The following DEF6 variants were observed in gnomAD, a reference collection of about 807,000 sequenced individuals.
The protein encoded by DEF6 is DEF6 guanine nucleotide exchange factor, also known as differentially expressed in FDCP 6 homolog.
DEF6 carries 32 observed loss-of-function variants against 80.5 expected under a neutral mutation model. The observed-to-expected ratio is 0.40, with a 90% CI of 0.30 to 0.53. The LOEUF (loss-of-function observed/expected upper bound fraction) is 0.53. Ranked by LOEUF, DEF6 falls within the 20% of genes least tolerant of loss-of-function variation. DEF6 has a pLI of 0.57. For synonymous variants in DEF6, 300 were observed against 337.9 expected, an observed-to-expected ratio of 0.89 and a Z score of 1.23; for missense variants, 575 against 818.7, an observed-to-expected ratio of 0.70 and a Z score of 3.63.
At chr6:35,315,671 A>G (rs1415208102) in intron 5 of DEF6, among the ~76,000 whole-genome samples, 1 of 151,878 alleles carries the variant, frequency 6.6e-6, no homozygotes, top group Non-Finnish European at 1.5e-5. Flanking sequence ...CTTTGGTTAC[A>G]TCGATTCTTA....
At chr6:35,302,464 C>G (rs963395557) in intron 1 of DEF6, among the ~76,000 whole-genome samples, 6 of 152,128 alleles carry the variant, frequency 3.9e-5, no homozygotes, top group Non-Finnish European at 7.4e-5. Flanking sequence ...ACTACAGAAT[C>G]AGTTCTTGCT....
chr6:35,317,532 T>C (rs1167133703), intron 5 of DEF6: 1 of 170,538 alleles, frequency 5.9e-6, no homozygotes. Context: ...AATGAATGAA[T>C]GAACTCTTAA....
At position 35,320,916 on chromosome 6, in the gene DEF6, C is replaced by T; in HGVS notation, c.1614C>T (p.Thr538=). Residue 538 remains threonine, a synonymous_variant, in exon 10 of 11, where the codon ACC becomes ACT. Coordinates refer to ENST00000316637, the MANE Select transcript of DEF6 (RefSeq NM_022047.4). ...AAQRKLRQAS[T]NVKHWNVQMN... is the part of the protein sequence containing the mutation. ...AGAGAAAACTGCGCCAGGCCAGCAC[C>T]AACGTGAAACACTGGAATGTCCAGA... 6.2e-7 allele frequency: 1 copy of T among 1,611,598 alleles called. No individual in the cohort carries two copies. Among genetic ancestry groups the T allele is most frequent in the Non-Finnish European group, 8.5e-7 (1 of 1,178,626 alleles).
rs772879108 is a variant in DEF6 at position 35,318,205 on chromosome 6, G to C, written c.949G>C (p.Gly317Arg). 6.9e-6 allele frequency: 11 copies of C among 1,585,186 alleles called. No homozygotes were observed. In the Admixed American group the frequency reaches 1.7e-4, roughly 24 times the overall value. ...GATGGCGATCCGGCTGCAGGCCGAG[G>C]GGAAGACGTCCCTACACAAGGACCT... is the stretch of plus-strand genomic sequence containing the variant. ...IQMAIRLQAE[G>R]KTSLHKDLKQ... Residue 317 changes from glycine (G) to arginine (R), a missense_variant, in exon 7 of 11, where the codon GGG becomes CGG. By Grantham distance (125) the Gly-to-Arg change is moderately radical. Transcript: ENST00000316637. The surrounding 1 kb of genome is among the most constrained non-coding windows in gnomAD (Gnocchi z 5.1).
chr6:35,298,176 G>T (rs968003526), intron 1 of DEF6, among the ~76,000 whole-genome samples: 1 of 152,180 alleles, frequency 6.6e-6, no homozygotes, highest in Non-Finnish European at 1.5e-5. Flanking sequence ...GAAACCTTGC[G>T]CAGAACTGGG....
intron 1 of DEF6, among the ~76,000 whole-genome samples, chr6:35,298,546 T>C (rs1472838924): frequency 6.6e-6 from 1 of 152,018 alleles, no homozygotes; most frequent in Non-Finnish European, 1.5e-5. Context: ...ACATATCAGG[T>C]TGGGAAACTT....
chr6:35,314,223 C>G (rs1791499795), intron 5 of DEF6, among the ~76,000 whole-genome samples: 1 of 152,060 alleles, frequency 6.6e-6, no homozygotes, highest in South Asian at 2.1e-4. Context: ...GCCTGGCCAA[C>G]ATGGTGAGAC....
rs764255696 is a variant in DEF6 at position 35,312,591 on chromosome 6, G to A, written c.661-35G>A. 7 of 1,613,938 alleles carry A rather than the reference G, an allele frequency of 4.3e-6. No individual in the cohort carries two copies. The highest frequency in any genetic ancestry group is 2.2e-5 in the South Asian group (2 of 91,078). On this transcript the variant is annotated intron_variant, in intron 4 of 10. Coordinates refer to ENST00000316637, the MANE Select transcript of DEF6 (RefSeq NM_022047.4). This position sits in a 1 kb window ranked among gnomAD's most constrained non-coding sequence, Gnocchi z 6.6. ...CACACAAGGTGCAGGGCGAAGGGGGGCCTGGGAAGCCTCTGACGTAACTCC... is the reference window on the plus strand; with the variant it reads ...CACACAAGGTGCAGGGCGAAGGGGGACCTGGGAAGCCTCTGACGTAACTCC...
At chr6:35,309,996 C>G (rs961538638) in intron 2 of DEF6, among the ~76,000 whole-genome samples, 186 bp downstream of exon 2, 2 of 150,148 alleles carry the variant, frequency 1.3e-5, no homozygotes, top group Admixed American at 6.6e-5. Flanking sequence ...TCCTGTCCCC[C>G]TCAATTCACC....
At chr6:35,302,478 T>C (rs1225172300) in intron 1 of DEF6, among the ~76,000 whole-genome samples, 2 of 152,216 alleles carry the variant, frequency 1.3e-5, no homozygotes, top group African/African-American at 4.8e-5. Flanking sequence ...TCTTGCTGAC[T>C]GTTGCCAACA....
chr6:35,311,909 G>A (rs983730663), intron 3 of DEF6, among the ~76,000 whole-genome samples: 43 of 152,222 alleles, frequency 2.8e-4, no homozygotes, highest in Non-Finnish European at 5.0e-4. Context: ...GTGTGACTTA[G>A]AGCCAGTCAC....
Position 35,309,696 on chromosome 6 carries a change from C to T in DEF6, c.123C>T (p.Val41=). ...TGCTGTCCCACAACCTGTACACGGTCCTGCACATCCCCCATGACCCCGTGG... is the reference window on the plus strand; with the variant it reads ...TGCTGTCCCACAACCTGTACACGGTTCTGCACATCCCCCATGACCCCGTGG... ...LKVLSHNLYT[V]LHIPHDPVAL... is the part of the protein sequence containing the mutation. The change falls in exon 2 of 11, where the codon GTC becomes GTT. Residue 41 remains valine (V), a synonymous_variant. Transcript: ENST00000316637. 6.2e-7 allele frequency: 1 copy of T among 1,614,032 alleles called. No individual in the cohort carries two copies. The highest frequency in any genetic ancestry group is 8.5e-7 in the Non-Finnish European group (1 of 1,180,004).
chr6:35,307,170 G>A (rs919357411), intron 1 of DEF6, among the ~76,000 whole-genome samples: 2 of 152,326 alleles, frequency 1.3e-5, no homozygotes, highest in Non-Finnish European at 1.5e-5. Context: ...AGGCCGAGGC[G>A]GGCAGATCTC....
rs1461656408 is a variant in DEF6 at position 35,312,004 on chromosome 6, A to AT, written c.424-295dup. ...TTGCACTCCCTTGACACTTTCTGTG[A>AT]TTTATTGCCTCTTTCTGGACCCCAG... On this transcript the variant is annotated intron_variant, in intron 3 of 10. Coordinates refer to ENST00000316637, the MANE Select transcript of DEF6 (RefSeq NM_022047.4). The surrounding 1 kb of genome is among the most constrained non-coding windows in gnomAD (Gnocchi z 6.6). 6.6e-6 allele frequency among the ~76,000 whole-genome samples: 1 copy of AT among 152,094 alleles called. No homozygotes were observed. The highest frequency in any genetic ancestry group is 2.4e-5 in the African/African-American group (1 of 41,418).
intron 1 of DEF6, among the ~76,000 whole-genome samples, chr6:35,303,135 GTGTC>G (rs1371381775): frequency 2.0e-5 from 3 of 152,178 alleles, no homozygotes; most frequent in Non-Finnish European, 4.4e-5. Flanking sequence ...GAGGCCCTGA[GTGTC>G]TGGGCATTTA....
chr6:35,321,196 C>T lies in DEF6; in HGVS notation c.1682C>T (p.Pro561Leu), dbSNP rs149576757. The T allele has an allele frequency of 5.0e-6, 8 of 1,612,106 alleles. No homozygotes were observed. The highest frequency in any genetic ancestry group is 2.7e-5 in the African/African-American group (2 of 74,852). Residue 561 changes from proline (P) to leucine (L), a missense_variant, in exon 11 of 11, where the codon CCG (proline) becomes CTG (leucine). Pro to Leu is a moderately conservative substitution (Grantham distance 98). Coordinates refer to ENST00000316637, the MANE Select transcript of DEF6 (RefSeq NM_022047.4). The stretch of plus-strand genomic sequence containing the variant: ...GCCTTCTCTCTGCCAGATAAGCGTC[C>T]GGTCACCAGCAGCTCCTTCTCAGGC... ...MHPIEPGDKR[P>L]VTSSSFSGFQ...
chr6:35,319,834 G>A lies in DEF6; in HGVS notation c.1398G>A (p.Glu466=), dbSNP rs1791567644. Residue 466 remains glutamate, a synonymous_variant, in exon 9 of 11, where the codon GAG becomes GAA. Transcript: ENST00000316637. The surrounding 1 kb of genome is among the most constrained non-coding windows in gnomAD (Gnocchi z 4.5). The stretch of plus-strand genomic sequence containing the variant: ...CACCCGGCAGACTGCTGGAAGAGGA[G>A]GAAGAGAAGCTGAAGCAGTTGATGC... The part of the protein sequence containing the change: ...RIAQTRLLEE[E]EEKLKQLMQL... 1 of 1,594,766 alleles carries A rather than the reference G, an allele frequency of 6.3e-7. No individual in the cohort carries two copies. Among genetic ancestry groups the A allele is most frequent in the East Asian group, 2.3e-5 (1 of 43,894 alleles).
Position 35,312,597 on chromosome 6 carries a change from G to C in DEF6, c.661-29G>C, listed in dbSNP as rs761923772. On this transcript the variant is annotated intron_variant, in intron 4 of 10. Transcript: ENST00000316637. The surrounding 1 kb of genome is among the most constrained non-coding windows in gnomAD (Gnocchi z 6.6). ...AGGTGCAGGGCGAAGGGGGGCCTGGGAAGCCTCTGACGTAACTCCGGCTGG... is the reference window on the plus strand; with the variant it reads ...AGGTGCAGGGCGAAGGGGGGCCTGGCAAGCCTCTGACGTAACTCCGGCTGG... The C allele has an allele frequency of 3.1e-6, 5 of 1,613,982 alleles. No homozygotes were observed. In the East Asian group the frequency reaches 1.1e-4, roughly 36 times the overall value.
In DEF6 at chr6:35,303,899, G is replaced by A. The variant is rs150604911; in HGVS notation, c.97-5771G>A. ...TGTAATCCCAGCACTTTGGGAGGCC[G>A]AGGCGGGTGGATCACCTAAGTCAGG... On this transcript the variant is annotated intron_variant, in intron 1 of 10. Coordinates refer to ENST00000316637, the MANE Select transcript of DEF6 (RefSeq NM_022047.4). Among the ~76,000 whole-genome samples the A allele has an allele frequency of 5.4e-4, 83 of 152,298 alleles. No homozygotes were observed. In the East Asian group the frequency reaches 0.012, roughly 22 times the overall value.
Sources: gnomAD v4.1 joint callset for allele counts (sites outside exome capture counted in the v4.1 genomes callset) on GRCh38, gnomAD v4.1.1 for gene constraint, Gnocchi (gnomAD v3.1) non-coding constraint, MANE v1.5 for transcripts, NCBI Gene and HGNC (gene_info 2026-07-23, HGNC 2026-07-21) for gene names.